PTPRD: variants seen among roughly 807,000 people sequenced by gnomAD.
PTPRD encodes the protein protein tyrosine phosphatase receptor type D.
PTPRD carries 34 observed loss-of-function variants against 214.5 expected under a neutral mutation model. That is an observed-to-expected ratio of 0.16 (90% CI 0.12 to 0.21). The LOEUF is 0.21. PTPRD is among the 10% of genes least tolerant of loss of function. PTPRD has a pLI of 1.00. For synonymous variants in PTPRD, 1,128 were observed against 845.7 expected, an observed-to-expected ratio of 1.33 and a Z score of -5.79; for missense variants, 2,545 against 2,398.7, an observed-to-expected ratio of 1.06 and a Z score of -1.27.
intron 2 of PTPRD, among the ~76,000 whole-genome samples, chr9:10,384,302 C>T (rs1249367264): frequency 6.6e-6 from 1 of 151,518 alleles, no homozygotes; most frequent in African/African-American, 2.4e-5. Context: ...AATATATACA[C>T]CTACTAGGTA....
intron 10 of PTPRD, among the ~76,000 whole-genome samples, chr9:9,030,084 C>T (rs553722196): frequency 6.6e-5 from 10 of 151,634 alleles, no homozygotes; most frequent in South Asian, 4.2e-4. Context: ...ATCATGGAGC[C>T]TAAGGAAGAA....
intron 4 of PTPRD, among the ~76,000 whole-genome samples, chr9:9,961,446 A>T (rs1164423539): frequency 2.6e-5 from 4 of 152,206 alleles, no homozygotes; most frequent in African/African-American, 9.6e-5. Context: ...ACATTAATTT[A>T]ATATGATAAA....
chr9:9,251,500 A>G (rs747516698), intron 9 of PTPRD, among the ~76,000 whole-genome samples: 1 of 152,036 alleles, frequency 6.6e-6, no homozygotes, highest in Non-Finnish European at 1.5e-5. Flanking sequence ...ACTATTCATT[A>G]ATTTTTAAAA....
chr9:8,440,815 G>T (rs1224595340), intron 34 of PTPRD, among the ~76,000 whole-genome samples: 3 of 152,168 alleles, frequency 2.0e-5, no homozygotes, highest in African/African-American at 7.2e-5. Flanking sequence ...CTTATAAGAA[G>T]TAAACTTTAA....
At chr9:8,893,277 A>T (rs1249823623) in intron 11 of PTPRD, among the ~76,000 whole-genome samples, 1 of 152,232 alleles carries the variant, frequency 6.6e-6, no homozygotes, top group Non-Finnish European at 1.5e-5. Context: ...TTAATGGATT[A>T]GCATTGTATT....
At chr9:9,360,715 T>C (rs1174870347) in intron 9 of PTPRD, among the ~76,000 whole-genome samples, 2 of 151,218 alleles carry the variant, frequency 1.3e-5, no homozygotes, top group Admixed American at 1.3e-4. Flanking sequence ...TTTCATTGTA[T>C]TATATTTTCT....
At chr9:9,103,013 T>C (rs2154442845) in intron 10 of PTPRD, among the ~76,000 whole-genome samples, 1 of 152,334 alleles carries the variant, frequency 6.6e-6, no homozygotes, top group Non-Finnish European at 1.5e-5. Context: ...TACTGCATTG[T>C]CCTGGCTCTT....
At chr9:10,503,751 C>T (rs1043283195) in intron 2 of PTPRD, among the ~76,000 whole-genome samples, 2 of 151,620 alleles carry the variant, frequency 1.3e-5, no homozygotes, top group Non-Finnish European at 2.9e-5. Flanking sequence ...ATTATACGTG[C>T]TAGGAAGGAA....
chr9:9,113,021 G>A (rs2099808296), intron 10 of PTPRD, among the ~76,000 whole-genome samples: 1 of 151,296 alleles, frequency 6.6e-6, no homozygotes, highest in Non-Finnish European at 1.5e-5. Flanking sequence ...CTTCAGTGCA[G>A]GGGCTCAATT....
At chr9:8,834,805 C>G (rs527891918) in intron 11 of PTPRD, among the ~76,000 whole-genome samples, 1 of 152,330 alleles carries the variant, frequency 6.6e-6, no homozygotes, top group Admixed American at 6.5e-5. Flanking sequence ...TGGGTTCTCC[C>G]TCTGTGGCTC....
intron 9 of PTPRD, among the ~76,000 whole-genome samples, chr9:9,386,691 C>T (rs146979413): frequency 1.3e-5 from 2 of 151,978 alleles, no homozygotes; most frequent in Non-Finnish European, 2.9e-5. Context: ...TTCACATGTA[C>T]ATAAAATCAC....
Position 10,530,476 on chromosome 9 carries a change from C to G in PTPRD, c.-600+81922G>C, listed in dbSNP as rs2055894042. Among the ~76,000 whole-genome samples the G allele has an allele frequency of 2.6e-5, 4 of 152,014 alleles. No homozygotes were observed. In the South Asian group the frequency reaches 8.3e-4, roughly 32 times the overall value. ...TTTCAGAACAAGTGTTCCCTAATAGCAATTAGCACACTTACCACGTTTTGA... is the reference window on the plus strand; with the variant it reads ...TTTCAGAACAAGTGTTCCCTAATAGGAATTAGCACACTTACCACGTTTTGA... On this transcript the variant is annotated intron_variant, in intron 2 of 45. Transcript: ENST00000381196.
intron 2 of PTPRD, among the ~76,000 whole-genome samples, chr9:10,408,484 T>A (rs1565845502): frequency 6.6e-6 from 1 of 151,784 alleles, no homozygotes; most frequent in South Asian, 2.1e-4. Flanking sequence ...ACTGCACAAG[T>A]TCATCCAGCT....
At chr9:8,741,201 C>G (rs1160073567) in intron 11 of PTPRD, among the ~76,000 whole-genome samples, 2 of 149,840 alleles carry the variant, frequency 1.3e-5, no homozygotes, top group Non-Finnish European at 2.9e-5. Context: ...GAGAAATGAA[C>G]AGATAGAAAG....
At chr9:8,688,303 A>AC (rs2097727140) in intron 12 of PTPRD, among the ~76,000 whole-genome samples, 1 of 152,150 alleles carries the variant, frequency 6.6e-6, no homozygotes, top group Non-Finnish European at 1.5e-5. Flanking sequence ...GTGGTGGCTG[A>AC]CGCCTGTAAT....
At chr9:9,259,601 A>T (rs776241131) in intron 9 of PTPRD, among the ~76,000 whole-genome samples, 4 of 151,934 alleles carry the variant, frequency 2.6e-5, no homozygotes, top group Non-Finnish European at 5.9e-5. Context: ...GTCATTGAAC[A>T]CTACCAGAAC....
intron 26 of PTPRD, among the ~76,000 whole-genome samples, chr9:8,493,419 T>G (rs1319103115): frequency 2.6e-5 from 4 of 151,964 alleles, no homozygotes; most frequent in Non-Finnish European, 2.9e-5. Context: ...CATTAAAGAG[T>G]GATTATTTTA....
intron 44 of PTPRD, among the ~76,000 whole-genome samples, chr9:8,327,918 G>A (rs894958675): frequency 2.6e-5 from 4 of 151,826 alleles, no homozygotes; most frequent in African/African-American, 9.7e-5. Context: ...CTTTGCATGT[G>A]AGATGGGTCT....
rs143407678 is a variant in PTPRD, at chr9:10,006,135, A to T, written c.-472+27583T>A. On this transcript the variant is annotated intron_variant, in intron 4 of 45. Coordinates refer to ENST00000381196, the MANE Select transcript of PTPRD (RefSeq NM_002839.4). ...TATTGCTTTTCATTTTTAGATTTCAAAGTTTTTAAGAGAAGCACTAAAAAT... is the reference window on the plus strand; with the variant it reads ...TATTGCTTTTCATTTTTAGATTTCATAGTTTTTAAGAGAAGCACTAAAAAT... Among the ~76,000 whole-genome samples the T allele has an allele frequency of 3.5e-4, 53 of 152,174 alleles. No individual in the cohort carries two copies. In the East Asian group the frequency reaches 5.6e-3, roughly 16 times the overall value.
Sources: allele counts gnomAD v4.1 joint callset (sites outside exome capture counted in the v4.1 genomes callset), GRCh38; gene constraint gnomAD v4.1.1; transcripts MANE v1.5; gene names NCBI Gene and HGNC (gene_info 2026-07-23, HGNC 2026-07-21).